SHISA9: variants seen among roughly 807,000 people sequenced by gnomAD.
The protein encoded by SHISA9 is shisa family member 9.
In SHISA9, 13 loss-of-function variants were observed where a neutral mutation model predicts 38.0. The observed-to-expected ratio is 0.34, with a 90% CI of 0.22 to 0.54. SHISA9 has a LOEUF of 0.54. Among genes scored for constraint, SHISA9 ranks in the 20% least tolerant of loss-of-function variants. The pLI is 0.91. For synonymous variants in SHISA9, 275 were observed against 242.0 expected, an observed-to-expected ratio of 1.14 and a Z score of -1.27; for missense variants, 538 against 575.8, an observed-to-expected ratio of 0.93 and a Z score of 0.67.
At chr16:13,058,308 G>C (rs2073333531) in intron 2 of SHISA9, among the ~76,000 whole-genome samples, 1 of 151,994 alleles carries the variant, frequency 6.6e-6, no homozygotes, top group Non-Finnish European at 1.5e-5. Flanking sequence ...TATGGGGAAG[G>C]GGTGATTCTT....
the SHISA9 span, among the ~76,000 whole-genome samples, chr16:13,456,092 T>C: frequency 0.54 from 82,608 of 151,982 alleles, 23,306 homozygotes; most frequent in East Asian, 0.9. Context: ...AACAAAATCA[T>C]TTTAGATGTA....
intron 2 of SHISA9, among the ~76,000 whole-genome samples, chr16:13,015,381 G>A (rs1015821641): frequency 5.3e-5 from 8 of 152,158 alleles, no homozygotes; most frequent in Admixed American, 3.9e-4. Context: ...ATCTTGAAAG[G>A]CAATGCTGCC....
At chr16:12,951,979 T>G (rs2071763867) in intron 2 of SHISA9, among the ~76,000 whole-genome samples, 1 of 152,242 alleles carries the variant, frequency 6.6e-6, no homozygotes, top group Non-Finnish European at 1.5e-5. Context: ...TTGAAGATGC[T>G]ACTTGGTATT....
chr16:12,903,168 G>A (rs2071043949), intron 1 of SHISA9, among the ~76,000 whole-genome samples: 1 of 152,176 alleles, frequency 6.6e-6, no homozygotes, highest in Non-Finnish European at 1.5e-5. Context: ...GGGAGGGCGA[G>A]AACAAAAGCC....
chr16:12,989,365 A>G (rs949069621), intron 2 of SHISA9, among the ~76,000 whole-genome samples: 3 of 151,878 alleles, frequency 2.0e-5, no homozygotes, highest in African/African-American at 7.3e-5. Flanking sequence ...TTTAGTAGAG[A>G]TGGGGTTTCA....
chr16:13,335,863 C>T, the SHISA9 span, among the ~76,000 whole-genome samples: 2 of 152,126 alleles, frequency 1.3e-5, no homozygotes, highest in Non-Finnish European at 2.9e-5. Flanking sequence ...CCCCTGGTGT[C>T]TACAGAAGAA....
intron 2 of SHISA9, among the ~76,000 whole-genome samples, chr16:13,120,634 T>A (rs560935906): frequency 1.3e-5 from 2 of 152,160 alleles, no homozygotes; most frequent in Admixed American, 6.5e-5. Flanking sequence ...AGGAAAATGC[T>A]GAGAGAGAGA....
chr16:13,476,070 T>A, the SHISA9 span, among the ~76,000 whole-genome samples: 1 of 152,156 alleles, frequency 6.6e-6, no homozygotes, highest in African/African-American at 2.4e-5. Flanking sequence ...GCCTGAGGGT[T>A]GGGGGAGACC....
At chr16:13,134,986 C>G (rs1031924677) in intron 2 of SHISA9, among the ~76,000 whole-genome samples, 1 of 152,134 alleles carries the variant, frequency 6.6e-6, no homozygotes, top group Admixed American at 6.5e-5. Flanking sequence ...CACATTCACT[C>G]AGATCTTATT....
chr16:13,414,646 C>CTT, the SHISA9 span, among the ~76,000 whole-genome samples: 716 of 136,636 alleles, frequency 5.2e-3, 47 homozygotes, highest in African/African-American at 6.5e-3. Context: ...TTCTTTCTTT[C>CTT]TTTCTTTTTT....
the SHISA9 span, among the ~76,000 whole-genome samples, chr16:13,469,279 A>G: frequency 3.8e-5 from 5 of 132,332 alleles, no homozygotes; most frequent in Non-Finnish European, 8.0e-5. Flanking sequence ...ATTTAAGGTA[A>G]GAGAGAGAGA....
the SHISA9 span, among the ~76,000 whole-genome samples, chr16:13,246,955 G>T: frequency 5.3e-5 from 8 of 150,466 alleles, no homozygotes; most frequent in African/African-American, 1.9e-4. Flanking sequence ...TGGATAATTT[G>T]TTATGAAAGA....
At chr16:12,997,818 C>T (rs574487269) in intron 2 of SHISA9, among the ~76,000 whole-genome samples, 41 of 152,302 alleles carry the variant, frequency 2.7e-4, no homozygotes, top group Non-Finnish European at 5.6e-4. Flanking sequence ...GGCCCTTCAC[C>T]TCTGTGTACA....
chr16:13,061,797 G>C (rs1004401408), intron 2 of SHISA9, among the ~76,000 whole-genome samples: 5 of 152,078 alleles, frequency 3.3e-5, no homozygotes, highest in Non-Finnish European at 5.9e-5. Flanking sequence ...AAAGAAACGG[G>C]ATACGAAGTG....
chr16:13,558,680 G>A, the SHISA9 span, among the ~76,000 whole-genome samples: 22 of 152,156 alleles, frequency 1.4e-4, no homozygotes, highest in African/African-American at 5.3e-4. Flanking sequence ...GGAACACAAG[G>A]TAGCACTTCC....
Position 13,235,420 on chromosome 16 carries a change from C to T in SHISA9, c.*11C>T. The T allele has an allele frequency of 1.3e-6, 2 of 1,530,962 alleles. No individual in the cohort carries two copies. The highest frequency in any genetic ancestry group is 8.7e-7 in the Non-Finnish European group (1 of 1,143,122). The allele number at this position is 1,530,962 out of a possible 1,614,324, so 94.8% of individuals were successfully genotyped here. The stretch of plus-strand genomic sequence containing the variant: ...GAAGTGACTGTCTGAGCTTTCACCA[C>T]AGGGAGCACCCTGGAGACCACACTC... On this transcript the variant is annotated 3_prime_UTR_variant, in exon 5 of 5. Coordinates refer to ENST00000558583, the MANE Select transcript of SHISA9 (RefSeq NM_001145204.3).
At chr16:13,020,013 C>CCTTCCTTCCT (rs1567184383) in intron 2 of SHISA9, among the ~76,000 whole-genome samples, 66 of 53,748 alleles carry the variant, frequency 1.2e-3, no homozygotes, top group African/African-American at 4.5e-3. Flanking sequence ...CCTTCCTTCC[C>CCTTCCTTCCT]TCCTTCCTTC....
At chr16:13,530,672 G>T in the SHISA9 span, among the ~76,000 whole-genome samples, 5 of 151,662 alleles carry the variant, frequency 3.3e-5, no homozygotes, top group East Asian at 7.7e-4. Context: ...CCTTGTTTTT[G>T]CCCCCCCAGA....
At chr16:13,414,500 C>A in the SHISA9 span, among the ~76,000 whole-genome samples, 1 of 152,034 alleles carries the variant, frequency 6.6e-6, no homozygotes, top group East Asian at 1.9e-4. Flanking sequence ...ATATTATTGG[C>A]CTCATTTTAA....
Sources: allele counts gnomAD v4.1 joint callset (sites outside exome capture counted in the v4.1 genomes callset), GRCh38; gene constraint gnomAD v4.1.1; transcripts MANE v1.5; gene names NCBI Gene and HGNC (gene_info 2026-07-23, HGNC 2026-07-21).